Variants in DDAH1 observed in about 807,000 individuals in gnomAD.
DDAH1 encodes N(G),N(G)-dimethylarginine dimethylaminohydrolase 1.
A neutral mutation model predicts 28.8 loss-of-function variants in DDAH1; 19 were observed. The ratio of observed to expected loss-of-function variants is 0.66; its 90% confidence interval spans 0.46 to 0.97. The LOEUF (loss-of-function observed/expected upper bound fraction) is 0.97, where lower values mean the gene tolerates loss of function less well. DDAH1 is among the 50% of genes least tolerant of loss of function. DDAH1 has a pLI of 0.00. For synonymous variants in DDAH1, 153 were observed against 154.4 expected, an observed-to-expected ratio of 0.99 and a Z score of 0.07; for missense variants, 326 against 375.9, an observed-to-expected ratio of 0.87 and a Z score of 1.10.
chr1:85,508,818 A>G (rs1010562265), intron 1 of DDAH1, among the ~76,000 whole-genome samples: 8 of 152,214 alleles, frequency 5.3e-5, no homozygotes, highest in African/African-American at 1.4e-4. Flanking sequence ...AGCGGCCAAG[A>G]AGCTCGAACT....
chr1:85,554,363 G>C (rs1658901500), intron 1 of DDAH1, among the ~76,000 whole-genome samples: 1 of 138,170 alleles, frequency 7.2e-6, no homozygotes, highest in Non-Finnish European at 1.5e-5. Context: ...ACTTTCCAAA[G>C]ACCTCTAGTA....
chr1:85,435,815 T>TTC (rs1265691467), intron 1 of DDAH1, among the ~76,000 whole-genome samples: 4 of 151,992 alleles, frequency 2.6e-5, no homozygotes, highest in Non-Finnish European at 5.9e-5. Context: ...CAGTCTCTCT[T>TTC]TCTCTCTCTC....
intron 1 of DDAH1, among the ~76,000 whole-genome samples, chr1:85,561,639 G>C (rs910170216): frequency 1.3e-5 from 2 of 151,984 alleles, no homozygotes; most frequent in African/African-American, 4.8e-5. Context: ...GGTTCTTACT[G>C]GGGAGAAAGT....
chr1:85,400,185 T>TA (rs142170615), intron 1 of DDAH1, among the ~76,000 whole-genome samples: 1 of 46,696 alleles, frequency 2.1e-5, no homozygotes, highest in East Asian at 4.6e-4. Context: ...TTCTTTTTTT[T>TA]TTTTTTTTTT....
intron 2 of DDAH1, among the ~76,000 whole-genome samples, chr1:85,356,715 T>C (rs1226210315): frequency 6.6e-6 from 1 of 152,156 alleles, no homozygotes; most frequent in African/African-American, 2.4e-5. Context: ...AAGTATTGAA[T>C]ATAACAAATA....
In DDAH1 at chr1:85,357,512, T is replaced by C. The variant is rs572548260; in HGVS notation, c.403+1236A>G. On this transcript the variant is annotated intron_variant, in intron 2 of 5. Coordinates refer to ENST00000284031, the MANE Select transcript of DDAH1 (RefSeq NM_012137.4). Reference sequence around the variant, plus strand: ...TGTCCAAAGTAAGTAATGCAAAACATTATTTTGATATTAAAACAAAAATGG... The same window carrying C: ...TGTCCAAAGTAAGTAATGCAAAACACTATTTTGATATTAAAACAAAAATGG... Among the ~76,000 whole-genome samples, 24 of 152,338 alleles carry C rather than the reference T, an allele frequency of 1.6e-4. No homozygotes were observed. In the South Asian group the frequency reaches 4.8e-3, roughly 30 times the overall value.
chr1:85,321,830 T>C (rs1661358560), intron 5 of DDAH1, among the ~76,000 whole-genome samples: 1 of 152,212 alleles, frequency 6.6e-6, no homozygotes, highest in African/African-American at 2.4e-5. Context: ...ACTCTGCCAT[T>C]GTCATTGCTA....
At chr1:85,457,229 T>G (rs527245871) in intron 1 of DDAH1, among the ~76,000 whole-genome samples, 1 of 152,310 alleles carries the variant, frequency 6.6e-6, no homozygotes, top group South Asian at 2.1e-4. Flanking sequence ...TAATCTTCAC[T>G]GGACTATTAC....
intron 2 of DDAH1, among the ~76,000 whole-genome samples, chr1:85,481,130 C>T (rs373030030): frequency 4.0e-5 from 4 of 100,044 alleles, no homozygotes; most frequent in African/African-American, 4.1e-5. Context: ...TGGAGTCTTG[C>T]TTTGTCGCCC....
intron 2 of DDAH1, among the ~76,000 whole-genome samples, chr1:85,489,444 GAGA>G (rs1656311930): frequency 6.6e-6 from 1 of 152,182 alleles, no homozygotes; most frequent in East Asian, 1.9e-4. Flanking sequence ...ACTGTTGGCT[GAGA>G]TAAGGTGGAA....
At chr1:85,519,730 A>G (rs1395737365) in intron 1 of DDAH1, among the ~76,000 whole-genome samples, 7 of 152,194 alleles carry the variant, frequency 4.6e-5, no homozygotes, top group African/African-American at 1.7e-4. Flanking sequence ...AGTTGGAGAA[A>G]ATAACAAAAT....
At chr1:85,351,110 C>T (rs746393193) in intron 3 of DDAH1, among the ~76,000 whole-genome samples, 2 of 149,562 alleles carry the variant, frequency 1.3e-5, no homozygotes, top group Non-Finnish European at 3.0e-5. Flanking sequence ...TGCCCAGGCT[C>T]ATTTGGAACT....
At chr1:85,345,630 C>T (rs1286172989) in intron 4 of DDAH1, among the ~76,000 whole-genome samples, 1 of 152,008 alleles carries the variant, frequency 6.6e-6, no homozygotes, top group Non-Finnish European at 1.5e-5. Context: ...TTTGGGAGGC[C>T]GAGGCAGGCA....
Position 85,464,095 on chromosome 1 carries a change from GCA to G in DDAH1, c.303+646_303+647del, listed in dbSNP as rs1221142697. ...CTCGCTAGCACACACACCCAACACC[GCA>G]CAGAGTACAGCTTTTCAAACCTAGC... On this transcript the variant is annotated intron_variant, in intron 1 of 5. Coordinates refer to ENST00000284031, the MANE Select transcript of DDAH1 (RefSeq NM_012137.4). The surrounding 1 kb of genome is among the most constrained non-coding windows in gnomAD (Gnocchi z 4.4). Among the ~76,000 whole-genome samples, 3 of 152,152 alleles carry G rather than the reference GCA, an allele frequency of 2.0e-5. No homozygotes were observed. Among genetic ancestry groups the G allele is most frequent in the East Asian group, 1.9e-4 (1 of 5,200 alleles).
intron 1 of DDAH1, among the ~76,000 whole-genome samples, chr1:85,444,349 A>C (rs983603566): frequency 6.6e-6 from 1 of 152,198 alleles, no homozygotes; most frequent in East Asian, 1.9e-4. Context: ...CCAGCCTTAC[A>C]TCCCAGTGAT....
intron 1 of DDAH1, among the ~76,000 whole-genome samples, chr1:85,439,723 T>C (rs767183973): frequency 2.6e-5 from 4 of 152,170 alleles, no homozygotes; most frequent in Non-Finnish European, 4.4e-5. Flanking sequence ...CCAGGCACAA[T>C]CAGCTGGAAA....
In DDAH1 at chr1:85,319,738, T is replaced by C. The variant is rs2100776578; in HGVS notation, c.*1714A>G. The C allele has an allele frequency of 6.6e-6, 1 of 152,306 alleles. No homozygotes were observed. The highest frequency in any genetic ancestry group is 1.9e-4 in the East Asian group (1 of 5,186). 9.4% of individuals were successfully genotyped at this position (152,306 alleles called of 1,614,324 possible). A position where few individuals can be genotyped will look rare whatever the true frequency, so the allele number is the denominator to read the frequency against. On this transcript the variant is annotated 3_prime_UTR_variant, in exon 6 of 6. Transcript: ENST00000284031. ...CATAATTGGATATCTGCATATGGCA[T>C]GAATTAAAAAGTTAAGCAACAAGGA... is the stretch of plus-strand genomic sequence containing the variant.
At chr1:85,560,656 A>C (rs892681514) in intron 1 of DDAH1, among the ~76,000 whole-genome samples, 6 of 152,108 alleles carry the variant, frequency 3.9e-5, no homozygotes, top group Admixed American at 6.5e-5. Context: ...AATTAAAAAA[A>C]TAAGTAGCAT....
chr1:85,536,035 C>G (rs796325264), intron 1 of DDAH1, among the ~76,000 whole-genome samples: 9 of 151,930 alleles, frequency 5.9e-5, no homozygotes, highest in African/African-American at 2.2e-4. Flanking sequence ...CTAAGTTGGG[C>G]GGATCACCTG....
Sources: gnomAD v4.1 joint callset for allele counts (sites outside exome capture counted in the v4.1 genomes callset) on GRCh38, gnomAD v4.1.1 for gene constraint, Gnocchi (gnomAD v3.1) non-coding constraint, MANE v1.5 for transcripts, NCBI Gene and HGNC (gene_info 2026-07-23, HGNC 2026-07-21) for gene names.